Variants in LATS1 observed in about 807,000 individuals in gnomAD.
The protein encoded by LATS1 is serine/threonine-protein kinase LATS1.
LATS1 carries 25 observed loss-of-function variants against 106.6 expected under a neutral mutation model. The observed-to-expected ratio is 0.23, with a 90% CI of 0.17 to 0.33. The LOEUF (loss-of-function observed/expected upper bound fraction) is 0.33. Ranked by LOEUF, LATS1 falls within the 10% of genes least tolerant of loss-of-function variation. The pLI is 1.00. For synonymous variants in LATS1, 465 were observed against 455.6 expected (o/e 1.02, Z -0.26); for missense variants, 1,040 against 1,382.6 (o/e 0.75, Z 3.93).
chr6:149,706,654 T>C (rs1047014078), intron 1 of LATS1, among the ~76,000 whole-genome samples: 8 of 152,200 alleles, frequency 5.3e-5, no homozygotes, highest in Non-Finnish European at 1.5e-5. Context: ...CCACATGCAA[T>C]TACAAGTGTC....
At chr6:149,673,106 T>C (rs1256258173) in intron 7 of LATS1, among the ~76,000 whole-genome samples, 1 of 148,396 alleles carries the variant, frequency 6.7e-6, no homozygotes, top group South Asian at 2.1e-4. Context: ...CTTTTTTTTT[T>C]TTTTTTTTGA....
At chr6:149,685,954 T>C (rs1368741071) in intron 3 of LATS1, among the ~76,000 whole-genome samples, 1 of 152,142 alleles carries the variant, frequency 6.6e-6, no homozygotes, top group Non-Finnish European at 1.5e-5. Flanking sequence ...GATGAAATCA[T>C]GTAAGCACTA....
In LATS1 at chr6:149,659,746, G is replaced by A. The variant is rs376018501; in HGVS notation, c.*1983C>T. The A allele has an allele frequency of 4.9e-5, 11 of 226,266 alleles. No homozygotes were observed. In the East Asian group the frequency reaches 5.2e-4, roughly 11 times the overall value. The allele number at this position is 226,266 out of a possible 1,614,324, so 14.0% of individuals were successfully genotyped here. On this transcript the variant is annotated 3_prime_UTR_variant, in exon 8 of 8. Coordinates refer to ENST00000543571, the MANE Select transcript of LATS1 (RefSeq NM_004690.4). ...TTCTTGAACTACTTTGTTTTGCATA[G>A]GATTTTATGGGACTAACCAAATGTT... is the stretch of plus-strand genomic sequence containing the variant.
chr6:149,707,011 CTTTTTT>C (rs745424840), intron 1 of LATS1, among the ~76,000 whole-genome samples: 124 of 110,428 alleles, frequency 1.1e-3, no homozygotes, highest in Non-Finnish European at 1.9e-3. Flanking sequence ...CTGGACATCT[CTTTTTT>C]TTTTTTTTTT....
At chr6:149,675,116 C>T (rs1781646693) in intron 7 of LATS1, among the ~76,000 whole-genome samples, 2 of 150,462 alleles carry the variant, frequency 1.3e-5, no homozygotes, top group Non-Finnish European at 2.9e-5. Flanking sequence ...ACTCGGGAGG[C>T]TGAGGCACGA....
intron 2 of LATS1, among the ~76,000 whole-genome samples, chr6:149,698,525 A>C (rs1783240338): frequency 6.6e-6 from 1 of 150,612 alleles, no homozygotes; most frequent in South Asian, 2.1e-4. Flanking sequence ...GAATTACAAG[A>C]GTGAACCATC....
chr6:149,705,088 GAA>G (rs903621415), intron 1 of LATS1, among the ~76,000 whole-genome samples: 1 of 139,538 alleles, frequency 7.2e-6, no homozygotes, highest in Admixed American at 7.2e-5. Flanking sequence ...TCTCCACTTT[GAA>G]AAAAAAAAAG....
chr6:149,702,208 T>A lies in LATS1; in HGVS notation c.-82A>T, dbSNP rs1783503379. 1 of 901,660 alleles carries A rather than the reference T, an allele frequency of 1.1e-6. No homozygotes were observed. Among genetic ancestry groups the A allele is most frequent in the Non-Finnish European group, 1.7e-6 (1 of 584,984 alleles). 55.9% of individuals were successfully genotyped at this position (901,660 alleles called of 1,614,324 possible). On this transcript the variant is annotated 5_prime_UTR_variant, in exon 2 of 8. Transcript: ENST00000543571. ...GCTTTCTTCTGAGCAAAAGTGAAAA[T>A]GATCCTTCAAGGAAGTCCCCAGGAC... is the stretch of plus-strand genomic sequence containing the variant.
At chr6:149,692,011 C>G (rs1395818275) in intron 3 of LATS1, among the ~76,000 whole-genome samples, 2 of 152,084 alleles carry the variant, frequency 1.3e-5, no homozygotes, top group Non-Finnish European at 2.9e-5. Context: ...TGCTATCGCC[C>G]AAGCCCAAAT....
intron 1 of LATS1, among the ~76,000 whole-genome samples, chr6:149,715,362 C>T (rs575021949): frequency 3.9e-5 from 6 of 152,222 alleles, no homozygotes; most frequent in South Asian, 2.1e-4. Context: ...CCACTGCGCC[C>T]GGCTAGATGT....
chr6:149,694,956 G>T, intron 3 of LATS1, 118 bp downstream of exon 3: 1 of 814,738 alleles, frequency 1.2e-6, no homozygotes, highest in South Asian at 2.2e-5. Flanking sequence ...CTTAATTTGA[G>T]ACTTTCATTT....
chr6:149,711,518 T>C (rs1216346858), intron 1 of LATS1, among the ~76,000 whole-genome samples: 1 of 152,210 alleles, frequency 6.6e-6, no homozygotes, highest in East Asian at 1.9e-4. Context: ...CACTCTAGCC[T>C]GGGTGACAGG....
At chr6:149,676,127 T>C (rs1781708060) in intron 7 of LATS1, 133 bp downstream of exon 7, 3 of 642,582 alleles carry the variant, frequency 4.7e-6, no homozygotes, top group Non-Finnish European at 8.4e-6. Flanking sequence ...ACTGGCATTA[T>C]GGGTGTGAGC....
intron 2 of LATS1, among the ~76,000 whole-genome samples, chr6:149,697,666 C>T (rs1166500596): frequency 6.6e-6 from 1 of 152,150 alleles, no homozygotes; most frequent in Non-Finnish European, 1.5e-5. Context: ...TATTACACAG[C>T]AGTAACATCT....
At chr6:149,703,688 A>G (rs1237169805) in intron 1 of LATS1, among the ~76,000 whole-genome samples, 3 of 151,796 alleles carry the variant, frequency 2.0e-5, no homozygotes, top group Non-Finnish European at 4.4e-5. Context: ...ACATAGGGAG[A>G]CCCTGTCTAC....
chr6:149,694,694 C>T (rs887615586), intron 3 of LATS1, among the ~76,000 whole-genome samples: 1 of 151,764 alleles, frequency 6.6e-6, no homozygotes, highest in Non-Finnish European at 1.5e-5. Flanking sequence ...TTATTAACAG[C>T]GATGTTTGTA....
chr6:149,704,286 A>G (rs1783627711), intron 1 of LATS1, among the ~76,000 whole-genome samples: 1 of 152,188 alleles, frequency 6.6e-6, no homozygotes, highest in Non-Finnish European at 1.5e-5. Context: ...TACAGGCGTG[A>G]GCCACTGTGG....
In LATS1 at chr6:149,676,754, T is replaced by C. The variant is rs370508695; in HGVS notation, c.2594-17A>G. ...GATGGTCACCTGCACAACAAAAGAA[T>C]AAGTAAATAAAGTCAACAATGACAA... On this transcript the variant is annotated splice_polypyrimidine_tract_variant and intron_variant, in intron 5 of 7. Transcript: ENST00000543571. The C allele has an allele frequency of 1.9e-6, 3 of 1,598,182 alleles. No individual in the cohort carries two copies. Among genetic ancestry groups the C allele is most frequent in the African/African-American group, 2.7e-5 (2 of 74,638 alleles).
chr6:149,698,048 T>G (rs1263890113), intron 2 of LATS1, among the ~76,000 whole-genome samples: 1 of 152,146 alleles, frequency 6.6e-6, no homozygotes, highest in Non-Finnish European at 1.5e-5. Context: ...CCCATATTCT[T>G]GTTAAATGCA....
Sources: gnomAD v4.1 joint callset for allele counts (sites outside exome capture counted in the v4.1 genomes callset) on GRCh38, gnomAD v4.1.1 for gene constraint, MANE v1.5 for transcripts, NCBI Gene and HGNC (gene_info 2026-07-23, HGNC 2026-07-21) for gene names.